The following SPPL2C variants were observed in gnomAD, a reference collection of about 807,000 sequenced individuals.
SPPL2C encodes the protein signal peptide peptidase like 2C.
In SPPL2C, 33 loss-of-function variants were observed where a neutral mutation model predicts 38.8. The ratio of observed to expected loss-of-function variants is 0.85; its 90% CI spans 0.64 to 1.14. The LOEUF is 1.14. Among genes scored for constraint, SPPL2C ranks in the 50% most tolerant of loss-of-function variants. The pLI is 0.00. For synonymous variants in SPPL2C, 384 were observed against 390.7 expected (o/e 0.98, Z 0.20); for missense variants, 899 against 904.4 (o/e 0.99, Z 0.08).
rs199509707 is a variant in SPPL2C at position 45,845,553 on chromosome 17, G to A, written c.647G>A (p.Arg216His). Residue 216 changes from arginine to histidine, a missense_variant, in exon 1 of 1, where the codon CGC becomes CAC. Arg to His is a conservative substitution (Grantham distance 29, BLOSUM62 0). Transcript: ENST00000329196. ...GLTEANRLQR[R>H]RARRGGGSGG... ...ACCGAAGCCAACCGGCTACAGCGGC[G>A]CCGTGCCCGAAGAGGAGGGGGGTCT... 72 of 1,601,486 alleles carry A rather than the reference G, an allele frequency of 4.5e-5. No individual in the cohort carries two copies. The East Asian group carries it at 5.6e-4, about 12-fold the overall frequency.
In SPPL2C at chr17:45,845,453, A is replaced by G; in HGVS notation, c.547A>G (p.Ile183Val). The G allele has an allele frequency of 2.5e-6, 4 of 1,611,120 alleles. No homozygotes were observed. The highest frequency in any genetic ancestry group is 3.4e-6 in the Non-Finnish European group (4 of 1,179,968). ...VAMYAPPEPIIDYNMLVIFIL... is the reference protein window; with the variant it reads ...VAMYAPPEPIVDYNMLVIFIL... Reference sequence around the variant, plus strand: ...CATGTACGCACCCCCAGAGCCCATCATCGACTACAACATGCTGGTCATCTT... The same window carrying G: ...CATGTACGCACCCCCAGAGCCCATCGTCGACTACAACATGCTGGTCATCTT... The change falls in exon 1 of 1, where the codon ATC becomes GTC. Residue 183 changes from isoleucine (I) to valine (V), a missense_variant. Coordinates refer to ENST00000329196, the MANE Select transcript of SPPL2C (RefSeq NM_175882.3).
At position 45,846,749 on chromosome 17, in the gene SPPL2C, C is replaced by T. The variant is rs779451008; in HGVS notation, c.1843C>T (p.Pro615Ser). 1 of 1,614,166 alleles carries T rather than the reference C, an allele frequency of 6.2e-7. No individual in the cohort carries two copies. The highest frequency in any genetic ancestry group is 2.2e-5 in the East Asian group (1 of 44,878). The change falls in exon 1 of 1, where the codon CCC (proline) becomes TCC (serine). Residue 615 changes from proline (P) to serine (S), a missense_variant. Physicochemically the swap from Pro to Ser is moderately conservative, Grantham distance 74 (BLOSUM62 -1). Coordinates refer to ENST00000329196, the MANE Select transcript of SPPL2C (RefSeq NM_175882.3). ...SDAHLDPNELPFIPPGASEEL... is the reference protein window; with the variant it reads ...SDAHLDPNELSFIPPGASEEL... The stretch of plus-strand genomic sequence containing the variant: ...CGCCCACTTGGATCCTAATGAGCTG[C>T]CCTTCATCCCCCCTGGGGCCTCGGA...
rs1170722450 is a variant in SPPL2C at position 45,845,711 on chromosome 17, C to T, written c.805C>T (p.Leu269=). The change falls in exon 1 of 1, where the codon CTG becomes TTG. Residue 269 remains leucine (L), a synonymous_variant. Transcript: ENST00000329196. The part of the protein sequence containing the change: ...VVTLSCSLML[L]LYFFYDHFVY... ...CACCCTGTCCTGCTCGCTCATGCTG[C>T]TGCTCTACTTCTTCTATGACCACTT... is the stretch of plus-strand genomic sequence containing the variant. 3 of 1,613,646 alleles carry T rather than the reference C, an allele frequency of 1.9e-6. No homozygotes were observed. Among genetic ancestry groups the T allele is most frequent in the Admixed American group, 3.3e-5 (2 of 60,014 alleles).
At position 45,845,200 on chromosome 17, in the gene SPPL2C, G is replaced by C. The variant is rs374517156; in HGVS notation, c.294G>C (p.Arg98Ser). ...GCCAGACCACTGCCATGGTCATGAG[G>C]GGTAACTGCAGCTTCCACACGAAAG... is the stretch of plus-strand genomic sequence containing the variant. ...PLRQTTAMVM[R>S]GNCSFHTKGW... Residue 98 changes from arginine to serine, a missense_variant, in exon 1 of 1, where the codon AGG (arginine) becomes AGC (serine). Transcript: ENST00000329196. 1 of 1,613,728 alleles carries C rather than the reference G, an allele frequency of 6.2e-7. No homozygotes were observed. Among genetic ancestry groups the C allele is most frequent in the East Asian group, 2.2e-5 (1 of 44,860 alleles).
At position 45,846,271 on chromosome 17, in the gene SPPL2C, G is replaced by T. The variant is rs200830915; in HGVS notation, c.1365G>T (p.Leu455=). ...GFGDIVVPGF[L]VAYCCRFDVQ... ...GTGACATTGTGGTCCCCGGCTTCCT[G>T]GTTGCTTACTGTTGCCGCTTTGATG... The change falls in exon 1 of 1, where the codon CTG becomes CTT. Residue 455 remains leucine (L), a synonymous_variant. Coordinates refer to ENST00000329196, the MANE Select transcript of SPPL2C (RefSeq NM_175882.3). 17 of 1,614,064 alleles carry T rather than the reference G, an allele frequency of 1.1e-5. No individual in the cohort carries two copies. The South Asian group carries it at 1.8e-4, about 17-fold the overall frequency.
At position 45,845,337 on chromosome 17, in the gene SPPL2C, C is replaced by T. The variant is rs772105441; in HGVS notation, c.431C>T (p.Ala144Val). 1 of 1,613,924 alleles carries T rather than the reference C, an allele frequency of 6.2e-7. No individual in the cohort carries two copies. The highest frequency in any genetic ancestry group is 8.5e-7 in the Non-Finnish European group (1 of 1,180,034). ...LAPQDPRQPL[A>V]DLTIPVAMLH... ...CCCCAGGATCCCCGCCAGCCCCTGG[C>T]AGACCTCACCATCCCTGTGGCTATG... is the stretch of plus-strand genomic sequence containing the variant. Residue 144 changes from alanine to valine, a missense_variant, in exon 1 of 1, where the codon GCA (alanine) becomes GTA (valine). Physicochemically the swap from Ala to Val is moderately conservative, Grantham distance 64. Transcript: ENST00000329196.
rs745648308 is a variant in SPPL2C at position 45,846,231 on chromosome 17, C to T, written c.1325C>T (p.Ser442Phe). The T allele has an allele frequency of 1.2e-6, 2 of 1,614,114 alleles. No homozygotes were observed. Among genetic ancestry groups the T allele is most frequent in the Admixed American group, 1.7e-5 (1 of 60,008 alleles). ...SALTLCSQPF[S>F]ILGFGDIVVP... ...TTGACCCTGTGCAGCCAGCCCTTCT[C>T]CATCCTTGGCTTCGGTGACATTGTG... The change falls in exon 1 of 1, where the codon TCC (serine) becomes TTC (phenylalanine). Residue 442 changes from serine (S) to phenylalanine (F), a missense_variant. Transcript: ENST00000329196.
In SPPL2C at chr17:45,845,850, G is replaced by A. The variant is rs1478408397; in HGVS notation, c.944G>A (p.Ser315Asn). 6.2e-7 allele frequency: 1 copy of A among 1,605,764 alleles called. No individual in the cohort carries two copies. Among genetic ancestry groups the A allele is most frequent in the Non-Finnish European group, 8.5e-7 (1 of 1,179,950 alleles). The change falls in exon 1 of 1, where the codon AGC becomes AAC. Residue 315 changes from serine (S) to asparagine (N), a missense_variant. By Grantham distance (46) the Ser-to-Asn change is conservative. Transcript: ENST00000329196. ...CGGCAATACCAGAGGCCTCCGCACA[G>A]CCTCTGGGCCTCTCTGCCGCTGCCT... ...SLRQYQRPPH[S>N]LWASLPLPLL...
Position 45,845,045 on chromosome 17 carries a change from A to G in SPPL2C, c.139A>G (p.Ile47Val), listed in dbSNP as rs1317437897. The G allele has an allele frequency of 6.2e-7, 1 of 1,613,970 alleles. No individual in the cohort carries two copies. Among genetic ancestry groups the G allele is most frequent in the Non-Finnish European group, 8.5e-7 (1 of 1,179,958 alleles). Residue 47 changes from isoleucine to valine, a missense_variant, in exon 1 of 1, where the codon ATC becomes GTC. Physicochemically the swap from Ile to Val is conservative, Grantham distance 29. Coordinates refer to ENST00000329196, the MANE Select transcript of SPPL2C (RefSeq NM_175882.3). ...CTGTATCCTGTTCAGCTCCGACTACATCACCCTCCCCCGGGACCTGCACCA... is the reference window on the plus strand; with the variant it reads ...CTGTATCCTGTTCAGCTCCGACTACGTCACCCTCCCCCGGGACCTGCACCA... ...DYCILFSSDY[I>V]TLPRDLHHAP...
At position 45,846,755 on chromosome 17, in the gene SPPL2C, A is replaced by G. The variant is rs2062552407; in HGVS notation, c.1849A>G (p.Ile617Val). ...CTTGGATCCTAATGAGCTGCCCTTCATCCCCCCTGGGGCCTCGGAGGAGCT... is the reference window on the plus strand; with the variant it reads ...CTTGGATCCTAATGAGCTGCCCTTCGTCCCCCCTGGGGCCTCGGAGGAGCT... ...AHLDPNELPF[I>V]PPGASEELMP... Residue 617 changes from isoleucine (I) to valine (V), a missense_variant, in exon 1 of 1, where the codon ATC becomes GTC. Ile to Val is a conservative substitution (Grantham distance 29). Transcript: ENST00000329196. 3 of 1,614,122 alleles carry G rather than the reference A, an allele frequency of 1.9e-6. No homozygotes were observed. Among genetic ancestry groups the G allele is most frequent in the Non-Finnish European group, 2.5e-6 (3 of 1,180,024 alleles).
At position 45,846,968 on chromosome 17, in the gene SPPL2C, G is replaced by A. The variant is rs1164370964; in HGVS notation, c.*7G>A. The A allele has an allele frequency of 1.3e-6, 2 of 1,548,132 alleles. No individual in the cohort carries two copies. The highest frequency in any genetic ancestry group is 8.7e-7 in the Non-Finnish European group (1 of 1,150,752). On this transcript the variant is annotated 3_prime_UTR_variant, in exon 1 of 1. Transcript: ENST00000329196. ...GACCCAGGCTCCCTTGTGAACTGGA[G>A]GCACTGGGACACACGCCTCTCAAAG...
chr17:45,844,991 G>T lies in SPPL2C; in HGVS notation c.85G>T (p.Val29Leu). 1.2e-6 allele frequency: 2 copies of T among 1,614,126 alleles called. No individual in the cohort carries two copies. Reference protein sequence around the residue: ...VAGGKYGVAHVVSENWSKDYC... With the variant: ...VAGGKYGVAHLVSENWSKDYC... ...CGGGGGAAAGTACGGCGTGGCCCAC[G>T]TGGTGTCGGAGAATTGGAGCAAGGA... is the stretch of plus-strand genomic sequence containing the variant. Residue 29 changes from valine (V) to leucine (L), a missense_variant, in exon 1 of 1, where the codon GTG (valine) becomes TTG (leucine). Physicochemically the swap from Val to Leu is conservative, Grantham distance 32 (BLOSUM62 1). Transcript: ENST00000329196.
At position 45,846,047 on chromosome 17, in the gene SPPL2C, G is replaced by A; in HGVS notation, c.1141G>A (p.Ala381Thr). The change falls in exon 1 of 1, where the codon GCC becomes ACC. Residue 381 changes from alanine to threonine, a missense_variant. Transcript: ENST00000329196. The part of the protein sequence containing the change: ...TLKNCSSFLL[A>T]LLAFDVFFVF... ...CAAGAACTGCTCCTCCTTCCTGCTG[G>A]CCCTGCTGGCCTTTGATGTCTTCTT... The A allele has an allele frequency of 6.2e-7, 1 of 1,614,124 alleles. No individual in the cohort carries two copies. Among genetic ancestry groups the A allele is most frequent in the Middle Eastern group, 1.6e-4 (1 of 6,062 alleles).
In SPPL2C at chr17:45,845,678, G is replaced by T. The variant is rs139341754; in HGVS notation, c.772G>T (p.Val258Leu). The T allele has an allele frequency of 1.4e-4, 226 of 1,613,798 alleles. 2 individuals are homozygous for T. In the Middle Eastern group the frequency reaches 1.8e-3, roughly 13 times the overall value. ...GGACTTCACGCCGGCCATGACAGGC[G>T]TGGTGGTCACCCTGTCCTGCTCGCT... is the stretch of plus-strand genomic sequence containing the variant. ...PVDFTPAMTG[V>L]VVTLSCSLML... The change falls in exon 1 of 1, where the codon GTG becomes TTG. Residue 258 changes from valine (V) to leucine (L), a missense_variant. Coordinates refer to ENST00000329196, the MANE Select transcript of SPPL2C (RefSeq NM_175882.3).
Position 45,846,770 on chromosome 17 carries a change from T to C in SPPL2C, c.1864T>C (p.Ser622Pro), listed in dbSNP as rs201078809. 283 of 1,614,002 alleles carry C rather than the reference T, an allele frequency of 1.8e-4. No homozygotes were observed. The highest frequency in any genetic ancestry group is 6.6e-4 in the Middle Eastern group (4 of 6,084). Residue 622 changes from serine (S) to proline (P), a missense_variant, in exon 1 of 1, where the codon TCG (serine) becomes CCG (proline). Coordinates refer to ENST00000329196, the MANE Select transcript of SPPL2C (RefSeq NM_175882.3). ...GCTGCCCTTCATCCCCCCTGGGGCC[T>C]CGGAGGAGCTGATGCCACTGATGCC... is the stretch of plus-strand genomic sequence containing the variant. Reference protein sequence around the residue: ...NELPFIPPGASEELMPLMPMA... With the variant: ...NELPFIPPGAPEELMPLMPMA...
In SPPL2C at chr17:45,846,666, C is replaced by G; in HGVS notation, c.1760C>G (p.Ser587Cys). 6 of 1,614,264 alleles carry G rather than the reference C, an allele frequency of 3.7e-6. No individual in the cohort carries two copies. The highest frequency in any genetic ancestry group is 5.1e-6 in the Non-Finnish European group (6 of 1,180,052). The part of the protein sequence containing the change: ...GEDTTEIVTI[S>C]ENEATNPEDR... ...GACACCACTGAGATTGTCACCATAT[C>G]TGAGAATGAAGCCACCAATCCAGAG... The change falls in exon 1 of 1, where the codon TCT becomes TGT. Residue 587 changes from serine to cysteine, a missense_variant. By Grantham distance (112) the Ser-to-Cys change is moderately radical. Transcript: ENST00000329196.
Position 45,846,972 on chromosome 17 carries a change from C to A in SPPL2C, c.*11C>A. 1 of 1,533,898 alleles carries A rather than the reference C, an allele frequency of 6.5e-7. No individual in the cohort carries two copies. The highest frequency in any genetic ancestry group is 8.7e-7 in the Non-Finnish European group (1 of 1,145,212). ...CAGGCTCCCTTGTGAACTGGAGGCA[C>A]TGGGACACACGCCTCTCAAAGGGCT... On this transcript the variant is annotated 3_prime_UTR_variant, in exon 1 of 1. Transcript: ENST00000329196.
In SPPL2C at chr17:45,845,807, G is replaced by C. The variant is rs373857259; in HGVS notation, c.901G>C (p.Val301Leu). 6.2e-7 allele frequency: 1 copy of C among 1,609,224 alleles called. No individual in the cohort carries two copies. The highest frequency in any genetic ancestry group is 1.1e-5 in the South Asian group (1 of 91,076). The change falls in exon 1 of 1, where the codon GTG (valine) becomes CTG (leucine). Residue 301 changes from valine to leucine, a missense_variant. Val to Leu is a conservative substitution (Grantham distance 32). Coordinates refer to ENST00000329196, the MANE Select transcript of SPPL2C (RefSeq NM_175882.3). ...CCTCTACAGCTGCCTGTCACCCCTGGTGTGCCGCCTGTCCCTGCGGCAATA... is the reference window on the plus strand; with the variant it reads ...CCTCTACAGCTGCCTGTCACCCCTGCTGTGCCGCCTGTCCCTGCGGCAATA... The part of the protein sequence containing the change: ...IGLYSCLSPL[V>L]CRLSLRQYQR...
rs546747974 is a variant in SPPL2C at position 45,846,565 on chromosome 17, A to G, written c.1659A>G (p.Ala553=). The G allele has an allele frequency of 4.5e-5, 72 of 1,613,378 alleles. No individual in the cohort carries two copies. The South Asian group carries it at 7.2e-4, about 16-fold the overall frequency. The stretch of plus-strand genomic sequence containing the variant: ...CTAGGCAGAAGCAGGAGGGCGCAGC[A>G]GATGCCCACACAGCCAGCACACTTG... ...AGSRQKQEGA[A]DAHTASTLER... is the part of the protein sequence containing the mutation. The change falls in exon 1 of 1, where the codon GCA becomes GCG. Residue 553 remains alanine, a synonymous_variant. Transcript: ENST00000329196.
Sources: gnomAD v4.1 joint callset for allele counts on GRCh38, gnomAD v4.1.1 for gene constraint, MANE v1.5 for transcripts, NCBI Gene and HGNC (gene_info 2026-07-23, HGNC 2026-07-21) for gene names.